Variants in SH3GLB1 observed in about 807,000 individuals in gnomAD.
SH3GLB1 encodes the protein SH3 domain containing GRB2 like, endophilin B1.
A neutral mutation model predicts 42.0 loss-of-function variants in SH3GLB1; 17 were observed. The ratio of observed to expected loss-of-function variants is 0.40; its 90% CI spans 0.28 to 0.61. The LOEUF (loss-of-function observed/expected upper bound fraction) is 0.61. SH3GLB1 is among the 20% of genes least tolerant of loss of function. The pLI, the probability that SH3GLB1 is intolerant of heterozygous loss-of-function variation, is 0.36. For missense variants in SH3GLB1, 355 were observed against 426.3 expected (o/e 0.83, Z 1.47); for synonymous variants, 132 against 146.6 (o/e 0.90, Z 0.72).
At chr1:86,716,675 G>A (rs539007773) in intron 2 of SH3GLB1, among the ~76,000 whole-genome samples, 1 of 152,306 alleles carries the variant, frequency 6.6e-6, no homozygotes, top group Non-Finnish European at 1.5e-5. Context: ...TAATCTTGCA[G>A]TTAAGGTGCA....
chr1:86,722,136 C>T (rs1368087104), intron 3 of SH3GLB1, among the ~76,000 whole-genome samples: 2 of 150,528 alleles, frequency 1.3e-5, no homozygotes, highest in African/African-American at 4.9e-5. Context: ...CAGACATATG[C>T]CACCACTGTG....
chr1:86,742,168 T>A, intron 7 of SH3GLB1, 40 bp from the exon 8 acceptor site: 1 of 1,525,832 alleles, frequency 6.6e-7, no homozygotes, highest in South Asian at 1.1e-5. Flanking sequence ...GGAGCTTTAG[T>A]CACTTGGAAA....
intron 4 of SH3GLB1, among the ~76,000 whole-genome samples, chr1:86,723,608 A>T (rs771953581): frequency 2.0e-5 from 3 of 152,370 alleles, no homozygotes; most frequent in Non-Finnish European, 4.4e-5. Context: ...AAACTGAATT[A>T]TAATAAACTT....
chr1:86,706,071 G>A (rs1344305597), intron 1 of SH3GLB1, among the ~76,000 whole-genome samples: 1 of 152,138 alleles, frequency 6.6e-6, no homozygotes, highest in Non-Finnish European at 1.5e-5. Flanking sequence ...AACCTGTCAA[G>A]CACTTTGTAA....
At chr1:86,718,084 G>C (rs1467039821) in intron 2 of SH3GLB1, among the ~76,000 whole-genome samples, 1 of 151,330 alleles carries the variant, frequency 6.6e-6, no homozygotes, top group Admixed American at 6.6e-5. Context: ...CTTTCACCTG[G>C]GCTGGAGTGC....
Position 86,713,760 on chromosome 1 carries a change from T to C in SH3GLB1, c.73-1964T>C, listed in dbSNP as rs184284596. Among the ~76,000 whole-genome samples, 150 of 152,274 alleles carry C rather than the reference T, an allele frequency of 9.9e-4. 2 individuals are homozygous for C. Among genetic ancestry groups the C allele is most frequent in the East Asian group, 3.9e-4 (2 of 5,178 alleles). ...CTCTTCCTCTCCCTGAAGAATGAAT[T>C]CTTTCTCTGTACTTGGATTTGTATG... On this transcript the variant is annotated intron_variant, in intron 1 of 8. Transcript: ENST00000370558.
At position 86,731,009 on chromosome 1, in the gene SH3GLB1, A is replaced by G. The variant is rs11161883; in HGVS notation, c.571-3593A>G. On this transcript the variant is annotated intron_variant, in intron 5 of 8. Coordinates refer to ENST00000370558, the MANE Select transcript of SH3GLB1 (RefSeq NM_016009.5). ...CAGTTGGATTTGTTGTTTTTCGACT[A>G]TGTTGTCTCTTCCCTCAGTATCAGA... Among the ~76,000 whole-genome samples, 1,180 of 152,262 alleles carry G rather than the reference A, an allele frequency of 7.7e-3. 15 individuals are homozygous for G. Among genetic ancestry groups the G allele is most frequent in the African/African-American group, 0.027 (1,119 of 41,540 alleles).
intron 7 of SH3GLB1, among the ~76,000 whole-genome samples, chr1:86,738,134 A>G (rs1655868937): frequency 6.6e-6 from 1 of 152,198 alleles, no homozygotes. Context: ...ACTTATTGCA[A>G]TAATGTAGTC....
chr1:86,730,974 A>G (rs956316320), intron 5 of SH3GLB1, among the ~76,000 whole-genome samples: 1 of 152,234 alleles, frequency 6.6e-6, no homozygotes, highest in South Asian at 2.1e-4. Context: ...AATATTTATC[A>G]TACTGTTAAC....
At chr1:86,730,336 C>A in intron 5 of SH3GLB1, 1 of 985,344 alleles carries the variant, frequency 1.0e-6, no homozygotes, top group Non-Finnish European at 1.2e-6. Context: ...ACTGATAAAT[C>A]TTGGATACCT....
At chr1:86,717,151 T>G (rs1654583081) in intron 2 of SH3GLB1, among the ~76,000 whole-genome samples, 1 of 152,222 alleles carries the variant, frequency 6.6e-6, no homozygotes, top group Non-Finnish European at 1.5e-5. Context: ...ATAAGCTTTT[T>G]GCACTTTGAG....
chr1:86,737,002 CT>C (rs1271776119), intron 7 of SH3GLB1, among the ~76,000 whole-genome samples: 47 of 151,760 alleles, frequency 3.1e-4, no homozygotes, highest in African/African-American at 1.1e-3. Context: ...GTAGAAGTAA[CT>C]GAATAACAGC....
chr1:86,742,065 T>C (rs1307204050), intron 7 of SH3GLB1, 143 bp from the exon 8 acceptor site: 1 of 613,238 alleles, frequency 1.6e-6, no homozygotes, highest in East Asian at 2.8e-5. Context: ...AAGATAGATA[T>C]ACTTTGTCAT....
intron 1 of SH3GLB1, among the ~76,000 whole-genome samples, chr1:86,712,735 G>T (rs1406687405): frequency 1.3e-5 from 2 of 151,356 alleles, no homozygotes; most frequent in East Asian, 1.9e-4. Context: ...ATGTGTAAGG[G>T]TTCCATGTAT....
chr1:86,710,957 C>T (rs950994234), intron 1 of SH3GLB1, among the ~76,000 whole-genome samples: 1 of 152,182 alleles, frequency 6.6e-6, no homozygotes, highest in African/African-American at 2.4e-5. Context: ...ATATGAGCTA[C>T]ACCCCAGTCC....
intron 3 of SH3GLB1, among the ~76,000 whole-genome samples, chr1:86,721,772 A>G (rs1355088867): frequency 6.6e-6 from 1 of 151,980 alleles, no homozygotes; most frequent in Non-Finnish European, 1.5e-5. Flanking sequence ...AACCACAGTC[A>G]CCCCTCGATA....
chr1:86,725,265 C>T (rs1296064359), intron 5 of SH3GLB1, among the ~76,000 whole-genome samples: 1 of 151,844 alleles, frequency 6.6e-6, no homozygotes, highest in African/African-American at 2.4e-5. Flanking sequence ...AAGAATAGTT[C>T]CAAAACCATT....
intron 5 of SH3GLB1, among the ~76,000 whole-genome samples, chr1:86,727,076 G>T (rs1655240327): frequency 6.6e-6 from 1 of 151,842 alleles, no homozygotes; most frequent in Non-Finnish European, 1.5e-5. Flanking sequence ...TAAGTTCTGT[G>T]TTTACTAAAT....
In SH3GLB1 at chr1:86,734,488, G is replaced by A. The variant is rs527556607; in HGVS notation, c.571-114G>A. On this transcript the variant is annotated intron_variant, in intron 5 of 8. Coordinates refer to ENST00000370558, the MANE Select transcript of SH3GLB1 (RefSeq NM_016009.5). ...AGATACAAAGCAGAATTGCGGAATT[G>A]CCAGATTATAACTTGAGGTTTGTTC... 1.8e-4 allele frequency: 129 copies of A among 729,566 alleles called. No homozygotes were observed. In the African/African-American group the frequency reaches 2.2e-3, roughly 13 times the overall value. The allele number at this position is 729,566 out of a possible 1,614,324, so 45.2% of individuals were successfully genotyped here.
Sources: gnomAD v4.1 joint callset for allele counts (sites outside exome capture counted in the v4.1 genomes callset) on GRCh38, gnomAD v4.1.1 for gene constraint, MANE v1.5 for transcripts, NCBI Gene and HGNC (gene_info 2026-07-23, HGNC 2026-07-21) for gene names.